The following THSD7B variants were observed in gnomAD, a reference collection of about 807,000 sequenced individuals.
The protein encoded by THSD7B is thrombospondin type-1 domain-containing protein 7B.
THSD7B carries 138 observed loss-of-function variants against 213.6 expected under a neutral mutation model. That is an observed-to-expected ratio of 0.65 (90% CI 0.56 to 0.74). THSD7B has a LOEUF of 0.74. Among genes scored for constraint, THSD7B ranks in the 30% least tolerant of loss-of-function variants. The pLI, the probability that THSD7B is intolerant of heterozygous loss-of-function variation, is 0.00. For missense variants in THSD7B, 1,931 were observed against 1,991.5 expected (o/e 0.97, Z 0.58); for synonymous variants, 742 against 687.0 (o/e 1.08, Z -1.25).
At chr2:137,138,165 G>A (rs1440695053) in intron 5 of THSD7B, among the ~76,000 whole-genome samples, 4 of 152,046 alleles carry the variant, frequency 2.6e-5, no homozygotes, top group Admixed American at 6.6e-5. Flanking sequence ...AAGTGCTAAG[G>A]CATGATGAAT....
intron 2 of THSD7B, among the ~76,000 whole-genome samples, chr2:136,898,802 C>G (rs1684011622): frequency 6.6e-6 from 1 of 151,870 alleles, no homozygotes; most frequent in Non-Finnish European, 1.5e-5. Context: ...ACCACCATGC[C>G]CAGCTAAGTT....
At chr2:137,604,553 A>C (rs1682136461) in intron 17 of THSD7B, among the ~76,000 whole-genome samples, 1 of 152,162 alleles carries the variant, frequency 6.6e-6, no homozygotes, top group African/African-American at 2.4e-5. Context: ...CCTCTTTTGC[A>C]TCATTTTAAT....
chr2:137,572,387 T>C lies in THSD7B; in HGVS notation c.3273-19T>C. ...CACTGTTTTAAATAATCAAACTATC[T>C]TGTGACCTTGCTTTACAGATGTGTG... On this transcript the variant is annotated intron_variant, in intron 16 of 27. Transcript: ENST00000409968. The C allele has an allele frequency of 6.2e-7, 1 of 1,613,506 alleles. No individual in the cohort carries two copies. The highest frequency in any genetic ancestry group is 1.3e-5 in the African/African-American group (1 of 75,036).
intron 15 of THSD7B, among the ~76,000 whole-genome samples, chr2:137,498,165 G>A (rs909458793): frequency 7.2e-5 from 11 of 152,140 alleles, no homozygotes; most frequent in Non-Finnish European, 1.5e-4. Context: ...AGATAAGTGT[G>A]AAATTAAATT....
chr2:137,358,200 G>T (rs1276877617), intron 12 of THSD7B, among the ~76,000 whole-genome samples: 1 of 152,148 alleles, frequency 6.6e-6, no homozygotes, highest in Non-Finnish European at 1.5e-5. Context: ...GTTTGGTTTT[G>T]TCTACAAACC....
chr2:137,366,867 A>G (rs1685420133), intron 12 of THSD7B, among the ~76,000 whole-genome samples: 1 of 152,064 alleles, frequency 6.6e-6, no homozygotes. Context: ...CTTTGCTATA[A>G]TCTTTATTAT....
intron 2 of THSD7B, among the ~76,000 whole-genome samples, chr2:137,047,232 A>T (rs1320040146): frequency 1.3e-5 from 2 of 152,176 alleles, no homozygotes; most frequent in African/African-American, 4.8e-5. Flanking sequence ...ACTGGGGCAG[A>T]GTGAAATAAT....
intron 13 of THSD7B, among the ~76,000 whole-genome samples, chr2:137,410,788 G>A (rs1686636200): frequency 6.6e-6 from 1 of 152,154 alleles, no homozygotes. Context: ...TCTAGCTAAT[G>A]ACTCATTAAT....
chr2:137,089,209 C>T (rs76136494), intron 3 of THSD7B, among the ~76,000 whole-genome samples: 1 of 150,990 alleles, frequency 6.6e-6, no homozygotes, highest in African/African-American at 2.4e-5. Flanking sequence ...AGAACCAACC[C>T]AAATGCCCAT....
chr2:137,529,056 T>G (rs1183748312), intron 15 of THSD7B, among the ~76,000 whole-genome samples: 1 of 152,236 alleles, frequency 6.6e-6, no homozygotes, highest in East Asian at 1.9e-4. Flanking sequence ...AAACTACTAC[T>G]TATGGCTAGT....
At chr2:137,555,003 C>A (rs1680926417) in intron 15 of THSD7B, among the ~76,000 whole-genome samples, 1 of 152,116 alleles carries the variant, frequency 6.6e-6, no homozygotes, top group Admixed American at 6.5e-5. Flanking sequence ...GGGAGGGGCG[C>A]CCACCATTGT....
intron 2 of THSD7B, among the ~76,000 whole-genome samples, chr2:137,011,150 T>C (rs554117736): frequency 1.3e-5 from 2 of 152,290 alleles, no homozygotes; most frequent in South Asian, 4.1e-4. Context: ...GAGCTGAAGG[T>C]AGATCATTTT....
intron 2 of THSD7B, among the ~76,000 whole-genome samples, chr2:136,936,317 TG>T (rs1164692949): frequency 6.6e-6 from 1 of 152,136 alleles, no homozygotes; most frequent in Non-Finnish European, 1.5e-5. Flanking sequence ...ATCCCGCTAC[TG>T]GGTACCCACC....
intron 1 of THSD7B, among the ~76,000 whole-genome samples, chr2:136,856,755 A>C (rs1047092681): frequency 1.3e-5 from 2 of 152,164 alleles, no homozygotes; most frequent in Non-Finnish European, 2.9e-5. Flanking sequence ...ACCTCAGGTG[A>C]TCTGCCCACC....
chr2:137,068,187 T>C (rs1687415692), intron 3 of THSD7B, among the ~76,000 whole-genome samples: 1 of 152,072 alleles, frequency 6.6e-6, no homozygotes, highest in African/African-American at 2.4e-5. Flanking sequence ...AGCTTTTTTC[T>C]TATTGTGAGG....
At chr2:137,599,689 A>G (rs1682038969) in intron 17 of THSD7B, among the ~76,000 whole-genome samples, 1 of 152,174 alleles carries the variant, frequency 6.6e-6, no homozygotes, top group Non-Finnish European at 1.5e-5. Flanking sequence ...ATGCACACGT[A>G]TGTTTATTGC....
intron 7 of THSD7B, among the ~76,000 whole-genome samples, chr2:137,182,740 G>A (rs1024359038): frequency 8.6e-5 from 13 of 152,012 alleles, no homozygotes; most frequent in African/African-American, 2.7e-4. Flanking sequence ...CTCATTTTAC[G>A]TCCTTCCTTT....
At chr2:136,800,163 T>A (rs935773191) in intron 1 of THSD7B, among the ~76,000 whole-genome samples, 1 of 152,070 alleles carries the variant, frequency 6.6e-6, no homozygotes, top group East Asian at 1.9e-4. Flanking sequence ...TTCACATTAA[T>A]TAGATTCTAT....
intron 9 of THSD7B, among the ~76,000 whole-genome samples, chr2:137,236,469 C>G (rs1200709270): frequency 6.6e-6 from 1 of 152,154 alleles, no homozygotes; most frequent in East Asian, 1.9e-4. Flanking sequence ...TGGGATCTTC[C>G]TGAAGTTGTG....
Sources: gnomAD v4.1 joint callset for allele counts (sites outside exome capture counted in the v4.1 genomes callset) on GRCh38, gnomAD v4.1.1 for gene constraint, MANE v1.5 for transcripts, NCBI Gene and HGNC (gene_info 2026-07-23, HGNC 2026-07-21) for gene names.